Variants in HECW1 observed in about 807,000 individuals in gnomAD.
HECW1 encodes HECT, C2 and WW domain containing E3 ubiquitin protein ligase 1, also known as E3 ubiquitin-protein ligase HECW1.
HECW1 carries 61 observed loss-of-function variants against 182.3 expected under a neutral mutation model. The observed-to-expected ratio is 0.33, with a 90% CI of 0.27 to 0.41. HECW1 has a LOEUF of 0.41. Among genes scored for constraint, HECW1 ranks in the 10% least tolerant of loss-of-function variants. The pLI, the probability that HECW1 is intolerant of heterozygous loss-of-function variation, is 1.00. For missense variants in HECW1, 1,739 were observed against 2,108.9 expected (o/e 0.82, Z 3.44); for synonymous variants, 859 against 832.6 (o/e 1.03, Z -0.55).
intron 2 of HECW1, among the ~76,000 whole-genome samples, chr7:43,175,745 G>A (rs1792165509): frequency 6.6e-6 from 1 of 152,154 alleles, no homozygotes; most frequent in Admixed American, 6.5e-5. Context: ...ATGAACGCAC[G>A]GAGCTAACGT....
At chr7:43,155,361 G>T (rs944887836) in intron 2 of HECW1, among the ~76,000 whole-genome samples, 6 of 152,162 alleles carry the variant, frequency 3.9e-5, no homozygotes, top group African/African-American at 1.4e-4. Flanking sequence ...GCAACTGGAA[G>T]TTGGAGGGGA....
intron 2 of HECW1, among the ~76,000 whole-genome samples, chr7:43,242,188 C>A (rs1203102318): frequency 6.6e-6 from 1 of 152,162 alleles, no homozygotes; most frequent in Non-Finnish European, 1.5e-5. Context: ...CAAGGAAGGG[C>A]GACATCAGGT....
chr7:43,191,031 A>G (rs550172103), intron 2 of HECW1, among the ~76,000 whole-genome samples: 16 of 152,334 alleles, frequency 1.1e-4, no homozygotes, highest in African/African-American at 3.6e-4. Context: ...AAATCACAAA[A>G]CAAAAAGGCT....
chr7:43,247,946 AAGG>A (rs1443345667), intron 3 of HECW1, among the ~76,000 whole-genome samples: 5 of 136,968 alleles, frequency 3.7e-5, no homozygotes, highest in Non-Finnish European at 7.8e-5. Context: ...AGAGAGAAAA[AAGG>A]AGGGAAGGAA....
intron 2 of HECW1, among the ~76,000 whole-genome samples, chr7:43,214,706 CAGGAGACGGCAGGGTG>C (rs1046115317): frequency 3.3e-5 from 5 of 152,190 alleles, no homozygotes; most frequent in African/African-American, 1.2e-4. Context: ...GGGCAGAGCA[CAGGAGACGGCAGGGTG>C]GCTGGGCAGG....
chr7:43,245,872 C>T (rs1399801611), intron 3 of HECW1: 1 of 152,190 alleles, frequency 6.6e-6, no homozygotes. Context: ...TTACCCCGCA[C>T]CTTACTCAGT....
At chr7:43,344,755 A>G (rs985247192) in intron 5 of HECW1, among the ~76,000 whole-genome samples, 1 of 151,810 alleles carries the variant, frequency 6.6e-6, no homozygotes, top group Non-Finnish European at 1.5e-5. Flanking sequence ...CCTATATTCC[A>G]GTTCCTTAAA....
At chr7:43,447,768 C>T (rs2077104090) in intron 11 of HECW1, among the ~76,000 whole-genome samples, 1 of 152,144 alleles carries the variant, frequency 6.6e-6, no homozygotes, top group African/African-American at 2.4e-5. Flanking sequence ...ACCTCTGCTT[C>T]CATAAAAATC....
At position 43,428,966 on chromosome 7, in the gene HECW1, A is replaced by G. The variant is rs536248328; in HGVS notation, c.802-9037A>G. Among the ~76,000 whole-genome samples the G allele has an allele frequency of 5.7e-4, 87 of 151,874 alleles. 1 individual carries two copies. Among genetic ancestry groups the G allele is most frequent in the South Asian group, 3.5e-3 (17 of 4,822 alleles). ...ATATATGTGTAATATATGTATGTGT[A>G]TATGTATGTATACAAATACGTACAG... On this transcript the variant is annotated intron_variant, in intron 8 of 29. Transcript: ENST00000395891.
chr7:43,351,678 C>CTTTTTTTTTTTTTTTTTTTTTTTTTCTTT (rs200929407), intron 5 of HECW1, among the ~76,000 whole-genome samples: 1 of 120,574 alleles, frequency 8.3e-6, no homozygotes, highest in African/African-American at 3.1e-5. Context: ...TTTCTTTCTT[C>CTTTTTTTTTTTTTTTTTTTTTTTTTCTTT]TTTTTTTTTT....
At chr7:43,293,850 G>T (rs1369440518) in intron 3 of HECW1, among the ~76,000 whole-genome samples, 13 of 152,286 alleles carry the variant, frequency 8.5e-5, no homozygotes, top group Middle Eastern at 3.4e-3. Context: ...GAGGTGAGCA[G>T]CAGCAAGCAA....
intron 2 of HECW1, among the ~76,000 whole-genome samples, chr7:43,199,270 T>A (rs1329652893): frequency 6.6e-6 from 1 of 152,252 alleles, no homozygotes; most frequent in Non-Finnish European, 1.5e-5. Context: ...TTTAAAAGTG[T>A]GTTTTATAAG....
At chr7:43,156,239 A>G (rs1789870421) in intron 2 of HECW1, among the ~76,000 whole-genome samples, 2 of 152,210 alleles carry the variant, frequency 1.3e-5, no homozygotes, top group Admixed American at 6.5e-5. Context: ...TTTGGTGTGC[A>G]TTAAGTGTTC....
rs1322166822 is a variant in HECW1, at chr7:43,296,552, G to A, written c.28-15211G>A. Reference sequence around the variant, plus strand: ...CTGCGGAAGCCTCAAGTTGAAACATGAGCCCTCCTCTCTCCTCTCTCAACC... The same window carrying A: ...CTGCGGAAGCCTCAAGTTGAAACATAAGCCCTCCTCTCTCCTCTCTCAACC... On this transcript the variant is annotated intron_variant, in intron 3 of 29. Transcript: ENST00000395891. 3.3e-5 allele frequency among the ~76,000 whole-genome samples: 5 copies of A among 152,124 alleles called. No homozygotes were observed. In the South Asian group the frequency reaches 8.3e-4, roughly 25 times the overall value.
At chr7:43,370,642 A>C (rs1817219402) in intron 6 of HECW1, among the ~76,000 whole-genome samples, 1 of 152,146 alleles carries the variant, frequency 6.6e-6, no homozygotes, top group Non-Finnish European at 1.5e-5. Context: ...ATTGTGCTAC[A>C]TCCAAACAAT....
At chr7:43,179,554 T>TTTGTTGTTGTTGTTG (rs35378292) in intron 2 of HECW1, among the ~76,000 whole-genome samples, 18 of 148,214 alleles carry the variant, frequency 1.2e-4, no homozygotes, top group South Asian at 4.2e-4. Context: ...ATTTGCTAAG[T>TTTGTTGTTGTTGTTG]TTGTTGTTGT....
At chr7:43,172,460 G>T (rs1791793959) in intron 2 of HECW1, among the ~76,000 whole-genome samples, 3 of 150,056 alleles carry the variant, frequency 2.0e-5, no homozygotes, top group East Asian at 3.9e-4. Context: ...TTTCACACAT[G>T]CCCATGTTTA....
chr7:43,272,897 TAGCAAAGA>T (rs1373321528), intron 3 of HECW1, among the ~76,000 whole-genome samples: 3 of 152,130 alleles, frequency 2.0e-5, no homozygotes, highest in Non-Finnish European at 2.9e-5. Flanking sequence ...CTATTCACAA[TAGCAAAGA>T]CATGTATTCA....
intron 6 of HECW1, among the ~76,000 whole-genome samples, chr7:43,372,982 A>G (rs2074171543): frequency 6.6e-6 from 1 of 152,192 alleles, no homozygotes; most frequent in Admixed American, 6.5e-5. Flanking sequence ...AAACCAATCA[A>G]TACTGAAACC....
Sources: allele counts gnomAD v4.1 joint callset (sites outside exome capture counted in the v4.1 genomes callset), GRCh38; gene constraint gnomAD v4.1.1; transcripts MANE v1.5; gene names NCBI Gene and HGNC (gene_info 2026-07-23, HGNC 2026-07-21).